The following MACROD2 variants were observed in gnomAD, a reference collection of about 807,000 sequenced individuals.
MACROD2 encodes ADP-ribose glycohydrolase MACROD2.
A neutral mutation model predicts 70.4 loss-of-function variants in MACROD2; 36 were observed. The observed-to-expected ratio is 0.51, with a 90% CI of 0.39 to 0.68. The LOEUF (loss-of-function observed/expected upper bound fraction) is 0.68, where lower values mean the gene tolerates loss of function less well. MACROD2 is among the 30% of genes least tolerant of loss of function. The pLI is 0.00. For synonymous variants in MACROD2, 172 were observed against 178.8 expected (o/e 0.96, Z 0.30); for missense variants, 496 against 538.4 (o/e 0.92, Z 0.78).
At chr20:16,048,358 G>T (rs1376452752) in intron 17 of MACROD2, among the ~76,000 whole-genome samples, 2 of 151,706 alleles carry the variant, frequency 1.3e-5, no homozygotes, top group African/African-American at 4.8e-5. Context: ...AAAACAATAA[G>T]AAAAGAGCAA....
intron 8 of MACROD2, among the ~76,000 whole-genome samples, chr20:15,824,533 T>A (rs1001757514): frequency 2.0e-5 from 3 of 152,172 alleles, no homozygotes; most frequent in Admixed American, 6.5e-5. Context: ...TTATGCCCAG[T>A]CTGTGAAGTT....
chr20:14,662,391 G>A (rs1414802328), intron 4 of MACROD2, among the ~76,000 whole-genome samples: 1 of 152,008 alleles, frequency 6.6e-6, no homozygotes, highest in African/African-American at 2.4e-5. Context: ...AACCCTGGAG[G>A]AAAACCTAGG....
At chr20:14,282,336 G>C (rs1410762066) in intron 3 of MACROD2, among the ~76,000 whole-genome samples, 3 of 152,138 alleles carry the variant, frequency 2.0e-5, no homozygotes, top group African/African-American at 7.2e-5. Flanking sequence ...GTGCTGACTT[G>C]ACTGCAGTTA....
intron 6 of MACROD2, 141 bp from the exon 7 acceptor site, chr20:15,431,264 A>G (rs1209440323): frequency 3.3e-6 from 2 of 607,822 alleles, no homozygotes; most frequent in Non-Finnish European, 5.7e-6. Flanking sequence ...CCCCATTTCC[A>G]GTGTCCCCTA....
chr20:15,572,925 T>A (rs2048395113), intron 8 of MACROD2, among the ~76,000 whole-genome samples: 1 of 152,116 alleles, frequency 6.6e-6, no homozygotes, highest in Non-Finnish European at 1.5e-5. Flanking sequence ...TATAAAGACA[T>A]CTTATCCACA....
chr20:15,301,591 C>CTTTTTTTT lies in MACROD2; in HGVS notation c.540+71546_540+71553dup, dbSNP rs71340214. On this transcript the variant is annotated intron_variant, in intron 6 of 17. Coordinates refer to ENST00000684519, the MANE Select transcript of MACROD2 (RefSeq NM_001351661.2). Reference sequence around the variant, plus strand: ...GGAAGTTAGTAAGATGGTAGGTGGCCTTTTTTTTTTTTTTTTTTTTTTTGT... The same window carrying CTTTTTTTT: ...GGAAGTTAGTAAGATGGTAGGTGGCCTTTTTTTTTTTTTTTTTTTTTTTTTTTTTTTGT... Among the ~76,000 whole-genome samples, 248 of 81,250 alleles carry CTTTTTTTT rather than the reference C, an allele frequency of 3.1e-3. 15 individuals carry two copies. Among genetic ancestry groups the CTTTTTTTT allele is most frequent in the African/African-American group, 8.8e-3 (188 of 21,390 alleles). The allele number at this position is 81,250 out of a possible 152,430, so 53.3% of individuals were successfully genotyped here.
intron 5 of MACROD2, among the ~76,000 whole-genome samples, chr20:15,151,540 C>T (rs1292976068): frequency 2.0e-5 from 3 of 151,974 alleles, no homozygotes; most frequent in South Asian, 2.1e-4. Flanking sequence ...TATTTAATGT[C>T]GGGAGCAGAT....
At position 14,801,941 on chromosome 20, in the gene MACROD2, T is replaced by C. The variant is rs2876390; in HGVS notation, c.418+116982T>C. Among the ~76,000 whole-genome samples the C allele has an allele frequency of 2.6e-3, 394 of 152,152 alleles. 5 individuals are homozygous for C. Among genetic ancestry groups the C allele is most frequent in the African/African-American group, 9.2e-3 (382 of 41,482 alleles). ...AAATTGTAGAAACCTCTCTCTTAAG[T>C]TTCATCCAGAAAAGGTACAGGGGGT... On this transcript the variant is annotated intron_variant, in intron 5 of 17. Coordinates refer to ENST00000684519, the MANE Select transcript of MACROD2 (RefSeq NM_001351661.2).
At chr20:14,947,979 T>G (rs2074446126) in intron 5 of MACROD2, among the ~76,000 whole-genome samples, 1 of 152,196 alleles carries the variant, frequency 6.6e-6, no homozygotes, top group Non-Finnish European at 1.5e-5. Flanking sequence ...CTTTCTATCT[T>G]GTTTTTCACA....
intron 6 of MACROD2, among the ~76,000 whole-genome samples, chr20:15,244,022 T>C (rs1276270105): frequency 6.6e-6 from 1 of 152,192 alleles, no homozygotes; most frequent in East Asian, 1.9e-4. Context: ...TAATAAGTTA[T>C]ATTAAATATG....
At chr20:14,656,392 A>G (rs991285504) in intron 4 of MACROD2, among the ~76,000 whole-genome samples, 1 of 152,234 alleles carries the variant, frequency 6.6e-6, no homozygotes, top group African/African-American at 2.4e-5. Flanking sequence ...TTCAAAGCAC[A>G]ACCTGAACTG....
intron 4 of MACROD2, among the ~76,000 whole-genome samples, chr20:14,679,632 A>T (rs184267300): frequency 2.6e-5 from 4 of 152,342 alleles, no homozygotes; most frequent in African/African-American, 9.6e-5. Flanking sequence ...TTAAACTCTT[A>T]TATTGAGTTT....
chr20:16,004,435 T>G (rs1291030203), intron 15 of MACROD2, among the ~76,000 whole-genome samples: 1 of 152,216 alleles, frequency 6.6e-6, no homozygotes, highest in Non-Finnish European at 1.5e-5. Context: ...TACAAAATCA[T>G]GTATGCTACT....
intron 3 of MACROD2, among the ~76,000 whole-genome samples, chr20:14,178,791 G>A (rs2081284461): frequency 7.0e-6 from 1 of 142,494 alleles, no homozygotes; most frequent in African/African-American, 2.6e-5. Flanking sequence ...CTTGGATGTA[G>A]AGAAAGTTTG....
chr20:15,475,400 G>T (rs563864465), intron 7 of MACROD2, among the ~76,000 whole-genome samples: 1 of 152,352 alleles, frequency 6.6e-6, no homozygotes, highest in African/African-American at 2.4e-5. Flanking sequence ...TGGCATTAAA[G>T]ATGTGGCAAG....
chr20:14,678,951 A>G (rs2070895577), intron 4 of MACROD2, among the ~76,000 whole-genome samples: 1 of 151,272 alleles, frequency 6.6e-6, no homozygotes, highest in Non-Finnish European at 1.5e-5. Context: ...CAGTATTATC[A>G]GAAAAAAAAA....
At chr20:15,217,945 G>C (rs565030603) in intron 5 of MACROD2, among the ~76,000 whole-genome samples, 2 of 151,988 alleles carry the variant, frequency 1.3e-5, no homozygotes, top group African/African-American at 4.8e-5. Flanking sequence ...TCTTAGTCTC[G>C]TAATGAATTA....
intron 10 of MACROD2, among the ~76,000 whole-genome samples, chr20:15,912,327 T>C (rs923917852): frequency 6.6e-6 from 1 of 152,208 alleles, no homozygotes; most frequent in African/African-American, 2.4e-5. Context: ...TTAGGAAACG[T>C]TGGGTCTCAT....
chr20:14,699,762 C>G (rs970838022), intron 5 of MACROD2, among the ~76,000 whole-genome samples: 2 of 151,436 alleles, frequency 1.3e-5, no homozygotes, highest in African/African-American at 4.9e-5. Flanking sequence ...AACTTTAAAT[C>G]TAGAAGTTTA....
Sources: gnomAD v4.1 joint callset for allele counts (sites outside exome capture counted in the v4.1 genomes callset) on GRCh38, gnomAD v4.1.1 for gene constraint, MANE v1.5 for transcripts, NCBI Gene and HGNC (gene_info 2026-07-23, HGNC 2026-07-21) for gene names.